Variants in AMMECR1 observed in about 807,000 individuals in gnomAD.
AMMECR1 encodes the protein nuclear protein AMMECR1.
AMMECR1 carries 3 observed loss-of-function variants against 22.5 expected under a neutral mutation model. The ratio of observed to expected loss-of-function variants is 0.13; its 90% confidence interval spans 0.06 to 0.35. The LOEUF is 0.35. Ranked by LOEUF, AMMECR1 falls within the 10% of genes least tolerant of loss-of-function variation. The probability of loss-of-function intolerance (pLI) is 1.00; values close to 1 mark genes in which losing one functional copy is unlikely to be tolerated. For synonymous variants in AMMECR1, 130 were observed against 116.7 expected, an observed-to-expected ratio of 1.11 and a Z score of -0.74; for missense variants, 235 against 278.7, an observed-to-expected ratio of 0.84 and a Z score of 1.12.
At chrX:110,423,314 G>A (rs1226815999) in intron 2 of AMMECR1, among the ~76,000 whole-genome samples, 1 of 106,109 alleles carries the variant, frequency 9.4e-6, no homozygotes, top group Non-Finnish European at 1.9e-5. Flanking sequence ...GGCAACAAGA[G>A]TGAAACTCGG....
intron 1 of AMMECR1, among the ~76,000 whole-genome samples, chrX:110,305,789 A>G (rs1420170310): frequency 1.8e-5 from 2 of 110,364 alleles, no homozygotes; most frequent in Non-Finnish European, 3.8e-5. Flanking sequence ...TAGAAAACAC[A>G]TTTCCTCAGA....
Position 110,317,717 on chromosome X carries a change from G to A in AMMECR1, c.355C>T (p.Pro119Ser). 8.3e-7 allele frequency: 1 copy of A among 1,203,893 alleles called. No homozygotes were observed. Among genetic ancestry groups the A allele is most frequent in the Non-Finnish European group, 1.1e-6 (1 of 891,085 alleles). The change falls in exon 1 of 6, where the codon CCG (proline) becomes TCG (serine). Residue 119 changes from proline to serine, a missense_variant. By Grantham distance (74) the Pro-to-Ser change is moderately conservative (BLOSUM62 -1). Transcript: ENST00000262844. ...GACACCACCATCTTCCGGGAGCCCGGCGATGAGGACGAGGCGGCGGACGAT... is the reference window on the plus strand; with the variant it reads ...GACACCACCATCTTCCGGGAGCCCGACGATGAGGACGAGGCGGCGGACGAT... ...SSSSAASSSS[P>S]GSRKMVVSAE...
chrX:110,433,577 C>G (rs776946715), intron 1 of AMMECR1, among the ~76,000 whole-genome samples: 4 of 111,676 alleles, frequency 3.6e-5, no homozygotes, highest in Non-Finnish European at 7.5e-5. Context: ...TTGTATTATG[C>G]TTATCATACA....
At chrX:110,386,820 C>A (rs2068458574) in intron 2 of AMMECR1, among the ~76,000 whole-genome samples, 1 of 112,318 alleles carries the variant, frequency 8.9e-6, no homozygotes, top group African/African-American at 3.2e-5. Context: ...CTGTGCCAGG[C>A]ACTGTGGGGG....
chrX:110,251,069 T>C (rs1342807491), intron 2 of AMMECR1, among the ~76,000 whole-genome samples: 1 of 111,978 alleles, frequency 8.9e-6, no homozygotes, highest in Non-Finnish European at 1.9e-5. Flanking sequence ...GTGACAGATA[T>C]AAGCTAACAT....
intron 2 of AMMECR1, among the ~76,000 whole-genome samples, chrX:110,380,874 G>A (rs867931464): frequency 7.1e-5 from 8 of 112,362 alleles, no homozygotes; most frequent in Non-Finnish European, 1.5e-4. Flanking sequence ...AAATGGTGCT[G>A]GGATAACTGG....
chrX:110,427,973 G>A (rs1228415466), intron 1 of AMMECR1, among the ~76,000 whole-genome samples: 5 of 111,526 alleles, frequency 4.5e-5, no homozygotes, highest in African/African-American at 9.8e-5. Flanking sequence ...AGTTTTCCCC[G>A]CCTGTCCAGT....
exon 1 of AMMECR1, chrX:110,440,108 C>T (rs1478051869): frequency 1.8e-5 from 2 of 111,148 alleles, no homozygotes; most frequent in African/African-American, 6.6e-5. Flanking sequence ...GCCTCCGTGC[C>T]CCTTACCGTG....
At chrX:110,205,276 G>T (rs1473749308) in intron 3 of AMMECR1, among the ~76,000 whole-genome samples, 1 of 111,705 alleles carries the variant, frequency 9.0e-6, no homozygotes, top group Non-Finnish European at 1.9e-5. Flanking sequence ...ACCAATTCTG[G>T]CCAACCTGTG....
At chrX:110,387,601 T>C (rs1279942275) in intron 2 of AMMECR1, among the ~76,000 whole-genome samples, 1 of 111,508 alleles carries the variant, frequency 9.0e-6, no homozygotes, top group African/African-American at 3.3e-5. Flanking sequence ...GGTATTATAA[T>C]ATTACCCTCA....
At chrX:110,261,206 T>C (rs899648914) in intron 2 of AMMECR1, among the ~76,000 whole-genome samples, 2 of 111,044 alleles carry the variant, frequency 1.8e-5, no homozygotes, top group Non-Finnish European at 3.8e-5. Context: ...GTTACATATA[T>C]TTCCCCACAA....
intron 2 of AMMECR1, among the ~76,000 whole-genome samples, chrX:110,375,224 TTA>T: frequency 8.9e-6 from 1 of 111,824 alleles, no homozygotes; most frequent in Non-Finnish European, 1.9e-5. Context: ...TCAGGATTCT[TTA>T]GAGTTGAGTG....
intron 1 of AMMECR1, among the ~76,000 whole-genome samples, chrX:110,274,851 C>A (rs1476377920): frequency 9.0e-6 from 1 of 111,713 alleles, no homozygotes; most frequent in Non-Finnish European, 1.9e-5. Flanking sequence ...AATTTTATCA[C>A]CATTATTAGC....
chrX:110,221,215 C>G (rs1002366787), intron 2 of AMMECR1, among the ~76,000 whole-genome samples: 5 of 111,762 alleles, frequency 4.5e-5, no homozygotes, highest in African/African-American at 1.6e-4. Context: ...GCAGTTTTTT[C>G]ATGAGGGGTT....
intron 2 of AMMECR1, among the ~76,000 whole-genome samples, chrX:110,340,377 A>G (rs1448588185): frequency 8.9e-6 from 1 of 112,152 alleles, no homozygotes; most frequent in Non-Finnish European, 1.9e-5. Context: ...CCCTACTCTC[A>G]TTAAGTAAAT....
Position 110,382,326 on chromosome X carries a change from G to GAA in AMMECR1, c.-148+44330_-148+44331dup, listed in dbSNP as rs367625900. On this transcript the variant is annotated intron_variant, in intron 2 of 7. Coordinates refer to the AMMECR1 transcript ENST00000372057. ...AATAAGCAACGTTCCAATTGTACAGGAAAAAAAAAACCCAGCAACCCAAAC... is the reference window on the plus strand; with the variant it reads ...AATAAGCAACGTTCCAATTGTACAGGAAAAAAAAAAAACCCAGCAACCCAAAC... 5.2e-3 allele frequency among the ~76,000 whole-genome samples: 546 copies of GAA among 105,479 alleles called. 3 individuals carry two copies. The highest frequency in any genetic ancestry group is 0.018 in the African/African-American group (516 of 29,124). 91.6% of individuals were successfully genotyped at this position (105,479 alleles called of 115,157 possible). A position where few individuals can be genotyped will look rare whatever the true frequency, so the allele number is the denominator to read the frequency against.
chrX:110,305,015 C>T (rs186833021), intron 1 of AMMECR1, among the ~76,000 whole-genome samples: 6 of 112,824 alleles, frequency 5.3e-5, no homozygotes, highest in African/African-American at 1.6e-4. Flanking sequence ...GTCCTACAGA[C>T]ATCACTGTCT....
At chrX:110,277,965 T>C (rs747460631) in intron 1 of AMMECR1, among the ~76,000 whole-genome samples, 1 of 112,300 alleles carries the variant, frequency 8.9e-6, no homozygotes, top group Non-Finnish European at 1.9e-5. Flanking sequence ...AAGTCATTAA[T>C]AGTCATGCAT....
intron 1 of AMMECR1, among the ~76,000 whole-genome samples, chrX:110,437,881 T>C (rs2068850796): frequency 9.0e-6 from 1 of 111,520 alleles, no homozygotes. Flanking sequence ...GTGACTCAGG[T>C]AATTCAGCCT....
Sources: allele counts gnomAD v4.1 joint callset (sites outside exome capture counted in the v4.1 genomes callset), GRCh38; gene constraint gnomAD v4.1.1; transcripts MANE v1.5; gene names NCBI Gene and HGNC (gene_info 2026-07-23, HGNC 2026-07-21).